The following PRELID2 variants were observed in gnomAD, a reference collection of about 807,000 sequenced individuals.
PRELID2 encodes PRELI domain-containing protein 2.
Under a neutral mutation model 28.4 loss-of-function variants are expected in PRELID2, and 25 were observed. The observed-to-expected ratio is 0.88, with a 90% CI of 0.64 to 1.23. The LOEUF is 1.23. Among genes scored for constraint, PRELID2 ranks in the 50% most tolerant of loss-of-function variants. PRELID2 has a pLI of 0.00. For synonymous variants in PRELID2, 76 were observed against 71.6 expected (o/e 1.06, Z -0.31); for missense variants, 201 against 214.4 (o/e 0.94, Z 0.39).
chr5:145,316,660 T>C, the PRELID2 span, among the ~76,000 whole-genome samples: 2 of 152,204 alleles, frequency 1.3e-5, no homozygotes, highest in Non-Finnish European at 2.9e-5. Context: ...TTACTGAACT[T>C]AGGCCTAGAT....
chr5:145,438,277 A>T, the PRELID2 span, among the ~76,000 whole-genome samples: 1 of 152,202 alleles, frequency 6.6e-6, no homozygotes, highest in Non-Finnish European at 1.5e-5. Context: ...TAGAAAAGAA[A>T]AAAAGAAGAA....
Position 145,503,520 on chromosome 5 carries a change from A to G in PRELID2, n.71-30205T>C, listed in dbSNP as rs1300849219. Among the ~76,000 whole-genome samples, 4 of 146,254 alleles carry G rather than the reference A, an allele frequency of 2.7e-5. No individual in the cohort carries two copies. The East Asian group carries it at 7.8e-4, about 28-fold the overall frequency. On this transcript the variant is annotated intron_variant and non_coding_transcript_variant, in intron 1 of 2. Transcript: ENST00000510259. Reference sequence around the variant, plus strand: ...TCATTTTCTACGCATTTCCTCCTCCAAACTGCCCTATGAAAAAAATCACTA... The same window carrying G: ...TCATTTTCTACGCATTTCCTCCTCCGAACTGCCCTATGAAAAAAATCACTA...
intron 1 of PRELID2, among the ~76,000 whole-genome samples, chr5:145,594,382 T>C (rs372218593): frequency 1.3e-5 from 2 of 152,308 alleles, no homozygotes; most frequent in South Asian, 4.1e-4. Context: ...CATGACACAT[T>C]AATAATAAAT....
Position 145,680,938 on chromosome 5 carries a change from T to C in PRELID2, n.70+83993A>G, listed in dbSNP as rs541669302. On this transcript the variant is annotated intron_variant and non_coding_transcript_variant, in intron 1 of 2. Coordinates refer to the PRELID2 transcript ENST00000510259. Reference sequence around the variant, plus strand: ...GGCCCTGTGCTGTTTTTATGAGGAGTTCTGACAGCCTGTATCCAGCCAGGG... The same window carrying C: ...GGCCCTGTGCTGTTTTTATGAGGAGCTCTGACAGCCTGTATCCAGCCAGGG... Among the ~76,000 whole-genome samples, 36 of 152,248 alleles carry C rather than the reference T, an allele frequency of 2.4e-4. No homozygotes were observed. The East Asian group carries it at 5.6e-3, about 24-fold the overall frequency.
At chr5:145,556,205 A>AAAGAG (rs1251375661) in intron 1 of PRELID2, among the ~76,000 whole-genome samples, 1 of 151,880 alleles carries the variant, frequency 6.6e-6, no homozygotes, top group East Asian at 1.9e-4. Flanking sequence ...AAAGAAAAGA[A>AAAGAG]AAGAAAACTT....
the PRELID2 span, among the ~76,000 whole-genome samples, chr5:145,440,549 A>G: frequency 1.3e-5 from 2 of 152,130 alleles, no homozygotes; most frequent in African/African-American, 4.8e-5. Context: ...AAGCACATGG[A>G]AAGTTCTTAC....
chr5:145,831,843 A>T (rs1247905703), intron 1 of PRELID2, among the ~76,000 whole-genome samples: 1 of 152,156 alleles, frequency 6.6e-6, no homozygotes, highest in Non-Finnish European at 1.5e-5. Flanking sequence ...TGTACCAGGT[A>T]CTTTGCTAAA....
chr5:145,429,835 C>T, the PRELID2 span: 1 of 152,200 alleles, frequency 6.6e-6, no homozygotes, highest in Non-Finnish European at 1.5e-5. Flanking sequence ...CCTAGAGAGG[C>T]CTGGCATGCT....
chr5:145,696,448 T>C (rs1191751890), intron 1 of PRELID2, among the ~76,000 whole-genome samples: 1 of 152,128 alleles, frequency 6.6e-6, no homozygotes, highest in Non-Finnish European at 1.5e-5. Flanking sequence ...TACCTAAACA[T>C]TCCAGAATTA....
chr5:145,324,463 T>A, the PRELID2 span, among the ~76,000 whole-genome samples: 1 of 152,178 alleles, frequency 6.6e-6, no homozygotes, highest in Non-Finnish European at 1.5e-5. Flanking sequence ...CATGTTCAAA[T>A]TGGTGAAGGG....
chr5:145,816,076 C>CTT lies in PRELID2; in HGVS notation c.368+1816_368+1817dup, dbSNP rs1191298938. On this transcript the variant is annotated intron_variant, in intron 4 of 6. Transcript: ENST00000683046. ...ACAACCAATCCTTGTTATTGTGTGT[C>CTT]TTTTTTTTTTTTTTTTTTTTTTTTT... Among the ~76,000 whole-genome samples the CTT allele has an allele frequency of 1.2e-3, 106 of 89,050 alleles. 1 individual carries two copies. Among genetic ancestry groups the CTT allele is most frequent in the Admixed American group, 1.4e-3 (12 of 8,770 alleles). The allele number at this position is 89,050 out of a possible 152,430, so 58.4% of individuals were successfully genotyped here.
chr5:145,583,688 C>T (rs1201161032), intron 1 of PRELID2, among the ~76,000 whole-genome samples: 1 of 151,942 alleles, frequency 6.6e-6, no homozygotes, highest in East Asian at 1.9e-4. Flanking sequence ...CTCCCATTCA[C>T]GATTGCTACA....
chr5:145,530,136 A>G (rs1422066894), intron 1 of PRELID2, among the ~76,000 whole-genome samples: 3 of 152,146 alleles, frequency 2.0e-5, no homozygotes, highest in Non-Finnish European at 4.4e-5. Context: ...ATCATACAGC[A>G]AGTGAGTAAC....
chr5:145,772,601 A>G (rs79582434), intron 5 of PRELID2, among the ~76,000 whole-genome samples: 193 of 152,320 alleles, frequency 1.3e-3, no homozygotes, highest in East Asian at 0.012. Flanking sequence ...TCACAGTTTC[A>G]AGCCCTTTTA....
the PRELID2 span, among the ~76,000 whole-genome samples, chr5:145,241,251 G>T: frequency 8.6e-5 from 13 of 151,870 alleles, no homozygotes; most frequent in African/African-American, 3.1e-4. Context: ...GTCATTTACT[G>T]GTCTGGCTCA....
the PRELID2 span, among the ~76,000 whole-genome samples, chr5:145,235,185 T>C: frequency 1.3e-5 from 2 of 152,098 alleles, no homozygotes; most frequent in African/African-American, 2.4e-5. Context: ...TATATATATA[T>C]ACACAAGTAA....
intron 1 of PRELID2, among the ~76,000 whole-genome samples, chr5:145,687,068 A>C (rs1472551543): frequency 1.3e-5 from 2 of 152,198 alleles, no homozygotes; most frequent in Non-Finnish European, 2.9e-5. Flanking sequence ...TTTGTCACTC[A>C]GACTTGGAGA....
At chr5:145,331,042 A>G in the PRELID2 span, among the ~76,000 whole-genome samples, 1 of 152,180 alleles carries the variant, frequency 6.6e-6, no homozygotes, top group Non-Finnish European at 1.5e-5. Flanking sequence ...CCCAGTAGTC[A>G]TTTAGGACCA....
At chr5:145,626,806 T>C (rs1053694339) in intron 1 of PRELID2, among the ~76,000 whole-genome samples, 2 of 151,914 alleles carry the variant, frequency 1.3e-5, no homozygotes, top group Admixed American at 1.3e-4. Flanking sequence ...GGATTTAAAA[T>C]GTCATGTATA....
Sources: gnomAD v4.1 joint callset for allele counts (sites outside exome capture counted in the v4.1 genomes callset) on GRCh38, gnomAD v4.1.1 for gene constraint, MANE v1.5 for transcripts, NCBI Gene and HGNC (gene_info 2026-07-23, HGNC 2026-07-21) for gene names.